Variants in SNX7 observed in about 807,000 individuals in gnomAD.
SNX7 encodes the protein sorting nexin 7.
In SNX7, 35 loss-of-function variants were observed where a neutral mutation model predicts 48.4. The observed-to-expected ratio is 0.72, with a 90% CI of 0.55 to 0.96. The LOEUF (loss-of-function observed/expected upper bound fraction) is 0.96. SNX7 is among the 40% of genes least tolerant of loss of function. SNX7 has a pLI of 0.00. For synonymous variants in SNX7, 190 were observed against 190.2 expected (o/e 1.00, Z 0.01); for missense variants, 553 against 548.9 (o/e 1.01, Z -0.07).
chr1:98,712,768 A>G (rs1026347231), intron 7 of SNX7, among the ~76,000 whole-genome samples: 2 of 152,116 alleles, frequency 1.3e-5, no homozygotes, highest in African/African-American at 4.8e-5. Context: ...TCTAGCTATG[A>G]AAGTCTTAGA....
chr1:98,750,631 T>G (rs1349426437), intron 8 of SNX7, among the ~76,000 whole-genome samples: 3 of 152,030 alleles, frequency 2.0e-5, no homozygotes, highest in African/African-American at 7.2e-5. Flanking sequence ...TAATTTTACT[T>G]GAGCCCAAAA....
At position 98,695,536 on chromosome 1, in the gene SNX7, A is replaced by G. The variant is rs1218913602; in HGVS notation, c.658A>G (p.Lys220Glu). ...TTTCTAGGAACTCTCTTCTCACAAG[A>G]AGCAAGGTCCTGGCTTGCTAAGCAG... ...AQAWELSSHK[K>E]QGPGLLSRMG... Residue 220 changes from lysine (K) to glutamate (E), a missense_variant, in exon 5 of 9, where the codon AAG (lysine) becomes GAG (glutamate). By Grantham distance (56) the Lys-to-Glu change is moderately conservative. Coordinates refer to ENST00000306121, the MANE Select transcript of SNX7 (RefSeq NM_015976.5). The G allele has an allele frequency of 4.3e-6, 7 of 1,613,932 alleles. No homozygotes were observed. The highest frequency in any genetic ancestry group is 5.1e-6 in the Non-Finnish European group (6 of 1,179,974).
intron 7 of SNX7, among the ~76,000 whole-genome samples, chr1:98,721,702 G>A (rs1652882998): frequency 6.6e-6 from 1 of 151,976 alleles, no homozygotes; most frequent in East Asian, 1.9e-4. Flanking sequence ...GGCCTGTGAA[G>A]TTCTGTGAAA....
chr1:98,685,456 T>C (rs1349382714), intron 2 of SNX7, among the ~76,000 whole-genome samples: 1 of 152,180 alleles, frequency 6.6e-6, no homozygotes, highest in Non-Finnish European at 1.5e-5. Flanking sequence ...TTATAAAATA[T>C]GGTACCATTT....
chr1:98,695,420 T>C, intron 4 of SNX7, 98 bp from the exon 5 acceptor site: 1 of 1,179,550 alleles, frequency 8.5e-7, no homozygotes, highest in African/African-American at 1.5e-5. Flanking sequence ...TGAAACCATT[T>C]TATCTTGATT....
chr1:98,702,340 T>C (rs1651795830), intron 7 of SNX7, among the ~76,000 whole-genome samples: 1 of 152,138 alleles, frequency 6.6e-6, no homozygotes, highest in Admixed American at 6.6e-5. Flanking sequence ...TATCTTTGCG[T>C]TTGCAAGTTT....
chr1:98,727,433 A>C (rs9660942), intron 7 of SNX7, among the ~76,000 whole-genome samples: 83,369 of 151,286 alleles, frequency 0.55, 23,961 homozygotes, highest in Non-Finnish European at 0.63. Context: ...CAAAAAATAC[A>C]CGCTGAAAAC....
chr1:98,704,138 T>A (rs963695838), intron 7 of SNX7, among the ~76,000 whole-genome samples: 1 of 152,214 alleles, frequency 6.6e-6, no homozygotes, highest in African/African-American at 2.4e-5. Context: ...TGTATAAAAA[T>A]TTTTTTGATA....
At chr1:98,702,404 A>C (rs1305113483) in intron 7 of SNX7, among the ~76,000 whole-genome samples, 1 of 152,150 alleles carries the variant, frequency 6.6e-6, no homozygotes, top group East Asian at 1.9e-4. Context: ...AATGAGATCT[A>C]ATAATACAAT....
At chr1:98,718,445 A>G (rs960048736) in intron 7 of SNX7, among the ~76,000 whole-genome samples, 5 of 152,032 alleles carry the variant, frequency 3.3e-5, no homozygotes, top group Non-Finnish European at 7.4e-5. Context: ...CCCTACAAAT[A>G]TTACTTCCCA....
At chr1:98,685,409 AG>A (rs1650738999) in intron 2 of SNX7, among the ~76,000 whole-genome samples, 1 of 152,210 alleles carries the variant, frequency 6.6e-6, no homozygotes, top group Non-Finnish European at 1.5e-5. Context: ...ATGCTTAAAC[AG>A]TTCGCAATAT....
intron 1 of SNX7, among the ~76,000 whole-genome samples, chr1:98,683,275 T>C (rs1356060819): frequency 6.6e-6 from 1 of 152,146 alleles, no homozygotes; most frequent in African/African-American, 2.4e-5. Flanking sequence ...AGAGTAGACA[T>C]TCTGCATGCA....
At position 98,685,048 on chromosome 1, in the gene SNX7, C is replaced by A; in HGVS notation, c.344C>A (p.Thr115Lys). The A allele has an allele frequency of 1.3e-6, 2 of 1,534,716 alleles. No individual in the cohort carries two copies. Among genetic ancestry groups the A allele is most frequent in the Non-Finnish European group, 8.8e-7 (1 of 1,135,142 alleles). The stretch of plus-strand genomic sequence containing the variant: ...GTTACTACAATAGAAACTTTCATTA[C>A]GTATAGGATTATTACTAAGGTAAAC... Reference protein sequence around the residue: ...SHVTTIETFITYRIITKTSRG... With the variant: ...SHVTTIETFIKYRIITKTSRG... Residue 115 changes from threonine (T) to lysine (K), a missense_variant, in exon 2 of 9, where the codon ACG (threonine) becomes AAG (lysine). By Grantham distance (78) the Thr-to-Lys change is moderately conservative (BLOSUM62 -1). Coordinates refer to ENST00000306121, the MANE Select transcript of SNX7 (RefSeq NM_015976.5).
intron 7 of SNX7, among the ~76,000 whole-genome samples, chr1:98,724,046 A>G (rs1315814530): frequency 6.6e-6 from 1 of 152,070 alleles, no homozygotes. Context: ...GATTTTTGTC[A>G]TAAGTAATAA....
chr1:98,747,601 G>A (rs556344103), intron 8 of SNX7, among the ~76,000 whole-genome samples: 2 of 152,152 alleles, frequency 1.3e-5, no homozygotes, highest in Non-Finnish European at 2.9e-5. Context: ...AAGAAGCATT[G>A]CCTGAAGTTC....
chr1:98,758,470 A>C (rs1037228797), intron 8 of SNX7, among the ~76,000 whole-genome samples: 24 of 152,042 alleles, frequency 1.6e-4, no homozygotes, highest in African/African-American at 4.6e-4. Flanking sequence ...GAGGAGCTAC[A>C]ATATCATAAA....
chr1:98,676,254 A>G (rs1399121362), intron 1 of SNX7, among the ~76,000 whole-genome samples: 1 of 152,122 alleles, frequency 6.6e-6, no homozygotes. Flanking sequence ...GTTCTTCTAA[A>G]TCATCTTTAA....
intron 7 of SNX7, among the ~76,000 whole-genome samples, chr1:98,721,768 G>C (rs1435320894): frequency 6.6e-6 from 1 of 152,026 alleles, no homozygotes; most frequent in Non-Finnish European, 1.5e-5. Context: ...AAAGCCTAAT[G>C]GTAATTGAAC....
intron 8 of SNX7, among the ~76,000 whole-genome samples, chr1:98,756,405 T>G (rs956776298): frequency 2.7e-5 from 4 of 150,604 alleles, no homozygotes; most frequent in African/African-American, 9.7e-5. Context: ...CTGGTCTCTT[T>G]TTTTTCTGCC....
Sources: allele counts gnomAD v4.1 joint callset (sites outside exome capture counted in the v4.1 genomes callset), GRCh38; gene constraint gnomAD v4.1.1; transcripts MANE v1.5; gene names NCBI Gene and HGNC (gene_info 2026-07-23, HGNC 2026-07-21).